EEIG1: variants seen among roughly 807,000 people sequenced by gnomAD.
EEIG1 encodes the protein estrogen-induced osteoclastogenesis regulator 1, also known as early estrogen-induced gene 1 protein.
At chr9:127,943,326 A>C in the EEIG1 span, 1 of 1,317,340 alleles carries the variant, frequency 7.6e-7, no homozygotes, top group Non-Finnish European at 1.1e-6. Context: ...GTGTTTCACA[A>C]GCAGGTACTG....
At chr9:127,944,064 A>C in the EEIG1 span, 3 of 156,140 alleles carry the variant, frequency 1.9e-5, no homozygotes, top group Non-Finnish European at 4.2e-5. Flanking sequence ...CATAGTCAAC[A>C]TGCTCCAAAT....
chr9:127,949,045 G>A, the EEIG1 span, among the ~76,000 whole-genome samples: 1 of 152,004 alleles, frequency 6.6e-6, no homozygotes, highest in South Asian at 2.1e-4. Flanking sequence ...GCCGGGTGCC[G>A]TGGCTCACGC....
chr9:127,952,044 A>G, the EEIG1 span, among the ~76,000 whole-genome samples: 1 of 152,310 alleles, frequency 6.6e-6, no homozygotes, highest in African/African-American at 2.4e-5. Flanking sequence ...AGTGCCTGCC[A>G]TGTGCTGGGT....
the EEIG1 span, chr9:127,948,491 G>A: frequency 3.5e-5 from 51 of 1,456,262 alleles, no homozygotes; most frequent in East Asian, 2.3e-4. Context: ...GCAGCCTTTC[G>A]GCTCTGGCCT....
the EEIG1 span, chr9:127,980,421 G>C: frequency 3.9e-6 from 1 of 257,764 alleles, no homozygotes; most frequent in Non-Finnish European, 7.4e-6. Context: ...CCAGGAGGCA[G>C]AGGCAGGGGC....
the EEIG1 span, among the ~76,000 whole-genome samples, chr9:127,974,708 T>C: frequency 6.6e-6 from 1 of 152,214 alleles, no homozygotes; most frequent in Non-Finnish European, 1.5e-5. Context: ...TGCCTTGCTC[T>C]GAAGCTTTCA....
chr9:127,945,404 G>T, the EEIG1 span: 1 of 1,582,992 alleles, frequency 6.3e-7, no homozygotes. This position sits in a 1 kb window ranked among gnomAD's most constrained non-coding sequence, Gnocchi z 6.5. Flanking sequence ...GGCCGGGGTG[G>T]CCGCGGCGGC....
At chr9:127,942,961 T>A in the EEIG1 span, 1 of 582,366 alleles carries the variant, frequency 1.7e-6, no homozygotes, top group Non-Finnish European at 3.1e-6. Flanking sequence ...CTCTAGTGGT[T>A]CAGAGGAGAA....
the EEIG1 span, chr9:127,980,018 T>C: frequency 1.2e-6 from 2 of 1,613,058 alleles, no homozygotes; most frequent in Non-Finnish European, 1.7e-6. Context: ...CAAAATCCCC[T>C]CCATCCAGCA....
At chr9:127,980,214 C>G in the EEIG1 span, 8 of 1,450,534 alleles carry the variant, frequency 5.5e-6, no homozygotes, top group South Asian at 1.1e-4. Flanking sequence ...CTACACCACA[C>G]CCCCTCCTCA....
chr9:127,958,473 T>C, the EEIG1 span, among the ~76,000 whole-genome samples: 1 of 152,018 alleles, frequency 6.6e-6, no homozygotes, highest in East Asian at 1.9e-4. Flanking sequence ...GAGACCAACC[T>C]GGGCAACACA....
chr9:127,946,335 A>G, the EEIG1 span, among the ~76,000 whole-genome samples: 56 of 152,332 alleles, frequency 3.7e-4, 2 homozygotes, highest in African/African-American at 1.3e-3. Flanking sequence ...CATAAGCCCA[A>G]CTTCAAAACA....
the EEIG1 span, chr9:127,945,709 C>A: frequency 3.1e-6 from 5 of 1,590,148 alleles, no homozygotes; most frequent in South Asian, 5.7e-5. This position sits in a 1 kb window ranked among gnomAD's most constrained non-coding sequence, Gnocchi z 6.5. Flanking sequence ...GAGTGGAACA[C>A]CTCCTCAGGG....
chr9:127,966,987 A>T, the EEIG1 span, among the ~76,000 whole-genome samples: 1 of 152,186 alleles, frequency 6.6e-6, no homozygotes, highest in South Asian at 2.1e-4. Context: ...AGATTGTGGC[A>T]TGGGCATCTG....
the EEIG1 span, among the ~76,000 whole-genome samples, chr9:127,977,024 G>A: frequency 6.6e-6 from 1 of 151,836 alleles, no homozygotes; most frequent in African/African-American, 2.4e-5. Context: ...GAGGGGGTAG[G>A]AACCCAGGAA....
chr9:127,945,687 C>T, the EEIG1 span: 11 of 1,594,052 alleles, frequency 6.9e-6, no homozygotes, highest in East Asian at 2.3e-5. This position sits in a 1 kb window ranked among gnomAD's most constrained non-coding sequence, Gnocchi z 6.5. Flanking sequence ...GCTGGAGTTG[C>T]GGGAGTGGCC....
chr9:127,949,127 A>G, the EEIG1 span, among the ~76,000 whole-genome samples: 106 of 152,082 alleles, frequency 7.0e-4, no homozygotes, highest in Non-Finnish European at 1.2e-3. Flanking sequence ...CATCCTGGCT[A>G]ACACGGTGAA....
chr9:127,961,238 C>T, the EEIG1 span, among the ~76,000 whole-genome samples: 3 of 152,224 alleles, frequency 2.0e-5, no homozygotes, highest in African/African-American at 4.8e-5. Flanking sequence ...CCCCCTCAGC[C>T]CCGGGGCCCC....
the EEIG1 span, among the ~76,000 whole-genome samples, chr9:127,956,783 C>T: frequency 4.6e-5 from 7 of 152,128 alleles, no homozygotes; most frequent in Non-Finnish European, 2.9e-5. Flanking sequence ...GGCACGATCT[C>T]GGCTCACTGC....
Sources: gnomAD v4.1 joint callset for allele counts (sites outside exome capture counted in the v4.1 genomes callset) on GRCh38, gnomAD v4.1.1 for gene constraint, Gnocchi (gnomAD v3.1) non-coding constraint, MANE v1.5 for transcripts, NCBI Gene and HGNC (gene_info 2026-07-23, HGNC 2026-07-21) for gene names.